ZNF385D: variants seen among roughly 807,000 people sequenced by gnomAD.
The protein encoded by ZNF385D is zinc finger protein 659.
In ZNF385D, 15 loss-of-function variants were observed where a neutral mutation model predicts 35.8. The observed-to-expected ratio is 0.42, with a 90% CI of 0.28 to 0.64. ZNF385D has a LOEUF of 0.64. Ranked by LOEUF, ZNF385D falls within the 30% of genes least tolerant of loss-of-function variation. ZNF385D has a pLI of 0.23. For missense variants in ZNF385D, 474 were observed against 494.6 expected, an observed-to-expected ratio of 0.96 and a Z score of 0.39; for synonymous variants, 212 against 186.8, an observed-to-expected ratio of 1.13 and a Z score of -1.10.
At chr3:21,869,892 T>C (rs772458931) in intron 3 of ZNF385D, among the ~76,000 whole-genome samples, 5 of 152,056 alleles carry the variant, frequency 3.3e-5, no homozygotes, top group South Asian at 2.1e-4. Context: ...GAATTGCAAA[T>C]TAACAATAGG....
chr3:21,945,102 G>A (rs1448405198), intron 3 of ZNF385D, among the ~76,000 whole-genome samples: 1 of 151,990 alleles, frequency 6.6e-6, no homozygotes, highest in Admixed American at 6.6e-5. Context: ...TTGAATGTGT[G>A]TGTGTGTGCA....
intron 2 of ZNF385D, among the ~76,000 whole-genome samples, chr3:21,657,580 T>C (rs1169328491): frequency 6.6e-6 from 1 of 151,920 alleles, no homozygotes; most frequent in Non-Finnish European, 1.5e-5. Flanking sequence ...TAGAGAGCAA[T>C]CTGCTACATC....
intron 4 of ZNF385D, among the ~76,000 whole-genome samples, chr3:21,472,139 T>C (rs1009722228): frequency 1.3e-5 from 2 of 152,146 alleles, no homozygotes; most frequent in Admixed American, 6.6e-5. Context: ...CTTACATTTA[T>C]CATGAAATCA....
chr3:21,861,080 A>G (rs572381664), intron 3 of ZNF385D, among the ~76,000 whole-genome samples: 1 of 152,250 alleles, frequency 6.6e-6, no homozygotes, highest in East Asian at 1.9e-4. Flanking sequence ...TTATCCACTC[A>G]AGGTCAAACA....
intron 4 of ZNF385D, among the ~76,000 whole-genome samples, chr3:21,481,873 A>G (rs1459336914): frequency 6.6e-6 from 1 of 152,108 alleles, no homozygotes; most frequent in African/African-American, 2.4e-5. Context: ...CTATTTTTTG[A>G]AGTCATAAAC....
chr3:21,631,552 G>C lies in ZNF385D; in HGVS notation c.165+33334C>G, dbSNP rs1460017045. Among the ~76,000 whole-genome samples the C allele has an allele frequency of 2.0e-5, 3 of 152,164 alleles. No individual in the cohort carries two copies. In the East Asian group the frequency reaches 5.8e-4, roughly 29 times the overall value. On this transcript the variant is annotated intron_variant, in intron 2 of 7. Transcript: ENST00000281523. ...TAACATTTTCTTCTCTTTTTGCTAA[G>C]AGTAGTTTCTCCTTTTCCCCATTAA...
At chr3:21,568,500 A>G (rs1226604624) in intron 2 of ZNF385D, among the ~76,000 whole-genome samples, 1 of 152,198 alleles carries the variant, frequency 6.6e-6, no homozygotes, top group Non-Finnish European at 1.5e-5. Flanking sequence ...TTGTGTATGC[A>G]CATTATCGTC....
chr3:22,143,680 T>C (rs1004724485), intron 3 of ZNF385D, among the ~76,000 whole-genome samples: 4 of 152,210 alleles, frequency 2.6e-5, no homozygotes, highest in Non-Finnish European at 5.9e-5. Context: ...AGTAATGTAA[T>C]GAACATCAAC....
At chr3:21,901,733 A>G (rs1444494656) in intron 3 of ZNF385D, among the ~76,000 whole-genome samples, 1 of 152,200 alleles carries the variant, frequency 6.6e-6, no homozygotes, top group Non-Finnish European at 1.5e-5. Context: ...ATTAACTTGC[A>G]AAACAAGCAA....
chr3:22,113,759 G>A (rs1412356401), intron 3 of ZNF385D, among the ~76,000 whole-genome samples: 1 of 152,046 alleles, frequency 6.6e-6, no homozygotes, highest in Admixed American at 6.6e-5. Flanking sequence ...GCCAAGGCGG[G>A]TGAATCACGA....
At chr3:21,543,005 A>AG (rs2062230481) in intron 3 of ZNF385D, 1 of 152,754 alleles carries the variant, frequency 6.5e-6, no homozygotes, top group African/African-American at 2.4e-5. Context: ...GGTGAGTGAA[A>AG]GGGGGACTCA....
chr3:22,138,481 G>A (rs1340664474), intron 3 of ZNF385D, among the ~76,000 whole-genome samples: 2 of 151,824 alleles, frequency 1.3e-5, no homozygotes, highest in African/African-American at 2.4e-5. Context: ...ATAGACCAAC[G>A]GAACAGAACA....
At position 21,415,645 on chromosome 3, in the gene ZNF385D, A is replaced by G. The variant is rs1700552770; in HGVS notation, c.*5569T>C. ...CCTTAGAACTCGTCACTATACTATT[A>G]CTTATTTTTAATTATACTTCTTTGC... On this transcript the variant is annotated 3_prime_UTR_variant, in exon 8 of 8. Transcript: ENST00000281523. 1 of 152,080 alleles carries G rather than the reference A, an allele frequency of 6.6e-6. No homozygotes were observed. Among genetic ancestry groups the G allele is most frequent in the African/African-American group, 2.4e-5 (1 of 41,420 alleles). The allele number at this position is 152,080 out of a possible 1,614,324, so 9.4% of individuals were successfully genotyped here. A position where few individuals can be genotyped will look rare whatever the true frequency, so the allele number is the denominator to read the frequency against.
chr3:22,344,710 C>G (rs1575162915), intron 2 of ZNF385D, among the ~76,000 whole-genome samples: 1 of 152,188 alleles, frequency 6.6e-6, no homozygotes, highest in Non-Finnish European at 1.5e-5. Flanking sequence ...GCATGAGCCA[C>G]TGCACCAGGC....
intron 3 of ZNF385D, among the ~76,000 whole-genome samples, chr3:21,831,602 G>T (rs887999861): frequency 2.0e-5 from 3 of 152,048 alleles, no homozygotes; most frequent in African/African-American, 7.2e-5. Flanking sequence ...GTTTAAATCT[G>T]GTTTAAATCA....
At chr3:22,125,773 C>G (rs1346305845) in intron 3 of ZNF385D, among the ~76,000 whole-genome samples, 3 of 151,984 alleles carry the variant, frequency 2.0e-5, no homozygotes, top group Non-Finnish European at 4.4e-5. Flanking sequence ...GATTTTGTAT[C>G]CTGCAACTTA....
rs1435729594 is a variant in ZNF385D, at chr3:21,916,880, C to T, written c.326-251852G>A. On this transcript the variant is annotated intron_variant, in intron 3 of 5. Coordinates refer to the ZNF385D transcript ENST00000494108. The stretch of plus-strand genomic sequence containing the variant: ...AGCTTTAGATCTCAATTAACATTGA[C>T]GAATTACCCTATGGAAAGATATACC... Among the ~76,000 whole-genome samples the T allele has an allele frequency of 3.3e-5, 5 of 152,126 alleles. No homozygotes were observed. The East Asian group carries it at 5.8e-4, about 18-fold the overall frequency.
intron 4 of ZNF385D, among the ~76,000 whole-genome samples, chr3:21,492,395 A>AAAAC (rs1041035703): frequency 1.3e-5 from 2 of 151,944 alleles, no homozygotes; most frequent in Admixed American, 6.6e-5. Flanking sequence ...TAAACAAACA[A>AAAAC]AAACAAACAA....
At chr3:21,601,128 A>G (rs1290620285) in intron 2 of ZNF385D, among the ~76,000 whole-genome samples, 1 of 152,190 alleles carries the variant, frequency 6.6e-6, no homozygotes, top group Admixed American at 6.5e-5. Context: ...TCACTTTAAT[A>G]ACAATTAAAA....
Sources: gnomAD v4.1 joint callset for allele counts (sites outside exome capture counted in the v4.1 genomes callset) on GRCh38, gnomAD v4.1.1 for gene constraint, MANE v1.5 for transcripts, NCBI Gene and HGNC (gene_info 2026-07-23, HGNC 2026-07-21) for gene names.